Variants in ARFGEF2 observed in about 807,000 individuals in gnomAD.
ARFGEF2 encodes the protein ARF guanine nucleotide exchange factor 2.
A neutral mutation model predicts 219.9 loss-of-function variants in ARFGEF2; 74 were observed. The observed-to-expected ratio is 0.34, with a 90% CI of 0.28 to 0.41. The LOEUF is 0.41. ARFGEF2 is among the 10% of genes least tolerant of loss of function. ARFGEF2 has a pLI of 1.00. For missense variants in ARFGEF2, 1,743 were observed against 2,218.3 expected (o/e 0.79, Z 4.30); for synonymous variants, 733 against 799.2 (o/e 0.92, Z 1.40).
intron 3 of ARFGEF2, among the ~76,000 whole-genome samples, chr20:48,942,629 C>T (rs2091000701): frequency 6.6e-6 from 1 of 151,896 alleles, no homozygotes; most frequent in African/African-American, 2.4e-5. Flanking sequence ...AGATTACATG[C>T]ACCCGCCACC....
chr20:48,964,184 G>C lies in ARFGEF2; in HGVS notation c.907+286G>C, dbSNP rs112758720. On this transcript the variant is annotated intron_variant, in intron 7 of 38. Coordinates refer to ENST00000371917, the MANE Select transcript of ARFGEF2 (RefSeq NM_006420.3). ...AGCTCTTTGGGAGGCCAAGGCGGGC[G>C]GTTCACGAGGTCAGGAGTTCAAGAC... 1.9e-3 allele frequency among the ~76,000 whole-genome samples: 282 copies of C among 152,288 alleles called. 3 individuals are homozygous for C. Among genetic ancestry groups the C allele is most frequent in the Middle Eastern group, 6.8e-3 (2 of 294 alleles).
intron 25 of ARFGEF2, among the ~76,000 whole-genome samples, chr20:49,000,302 G>C (rs1213675963): frequency 6.6e-6 from 1 of 152,212 alleles, no homozygotes; most frequent in Non-Finnish European, 1.5e-5. Flanking sequence ...AGTGCTTCAT[G>C]CTGGGCAGTG....
chr20:48,972,582 G>A (rs1030752735), intron 11 of ARFGEF2, among the ~76,000 whole-genome samples, 157 bp downstream of exon 11: 3 of 152,208 alleles, frequency 2.0e-5, no homozygotes, highest in Middle Eastern at 3.4e-3. Context: ...CTTTTTTAGA[G>A]GATGACCAAC....
At chr20:49,031,911 C>G in intron 37 of ARFGEF2, 138 bp from the exon 38 acceptor site, 1 of 750,734 alleles carries the variant, frequency 1.3e-6, no homozygotes, top group Non-Finnish European at 2.3e-6. Context: ...GAGCAAGACC[C>G]TGTCTCAAAA....
Position 48,926,606 on chromosome 20 carries a change from G to A in ARFGEF2, c.121+4596G>A, listed in dbSNP as rs758080424. ...CCCAAGTAGCTAGGACTACAGGGGC[G>A]TACCACCCACCTGGCTAATTTTTCT... On this transcript the variant is annotated intron_variant, in intron 1 of 38. Coordinates refer to ENST00000371917, the MANE Select transcript of ARFGEF2 (RefSeq NM_006420.3). Among the ~76,000 whole-genome samples, 11 of 152,170 alleles carry A rather than the reference G, an allele frequency of 7.2e-5. No individual in the cohort carries two copies. In the East Asian group the frequency reaches 1.7e-3, roughly 24 times the overall value.
At chr20:49,019,050 A>G in intron 34 of ARFGEF2, 52 bp downstream of exon 34, 1 of 1,443,222 alleles carries the variant, frequency 6.9e-7, no homozygotes, top group Non-Finnish European at 9.6e-7. Context: ...TATGTGATTC[A>G]TATATTCAGA....
Position 48,994,447 on chromosome 20 carries a change from T to G in ARFGEF2, c.2974-4T>G. On this transcript the variant is annotated splice_region_variant and splice_polypyrimidine_tract_variant and intron_variant, in intron 21 of 38. Coordinates refer to ENST00000371917, the MANE Select transcript of ARFGEF2 (RefSeq NM_006420.3). ...CTCATTTCTTCATGCCTTCTTTCTC[T>G]TAGATCTTGAAATGCATCAGCCAGC... 6.2e-7 allele frequency: 1 copy of G among 1,614,056 alleles called. No individual in the cohort carries two copies. Among genetic ancestry groups the G allele is most frequent in the Non-Finnish European group, 8.5e-7 (1 of 1,180,034 alleles).
At chr20:48,932,115 C>G (rs537238418) in intron 1 of ARFGEF2, among the ~76,000 whole-genome samples, 1 of 152,140 alleles carries the variant, frequency 6.6e-6, no homozygotes, top group African/African-American at 2.4e-5. Flanking sequence ...GTGTGAAGTT[C>G]CTGAGAAGGC....
chr20:49,012,219 C>A, intron 28 of ARFGEF2, 135 bp downstream of exon 28: 1 of 1,161,122 alleles, frequency 8.6e-7, no homozygotes, highest in Non-Finnish European at 1.2e-6. Flanking sequence ...GTGTTTATTT[C>A]AAAATGCTGC....
intron 1 of ARFGEF2, among the ~76,000 whole-genome samples, chr20:48,933,754 G>A (rs1384971460): frequency 2.6e-5 from 4 of 151,970 alleles, no homozygotes; most frequent in African/African-American, 9.7e-5. Context: ...CACTCTTGGT[G>A]CCTAGTTATG....
At chr20:49,006,787 A>G (rs747589568) in intron 26 of ARFGEF2, among the ~76,000 whole-genome samples, 3 of 152,080 alleles carry the variant, frequency 2.0e-5, no homozygotes, top group Non-Finnish European at 4.4e-5. Context: ...AGTCCCTCCC[A>G]GTGGTGGCAG....
At position 48,952,728 on chromosome 20, in the gene ARFGEF2, C is replaced by T. The variant is rs1427662433; in HGVS notation, c.447C>T (p.Ser149=). The T allele has an allele frequency of 1.2e-6, 2 of 1,614,068 alleles. No individual in the cohort carries two copies. Among genetic ancestry groups the T allele is most frequent in the African/African-American group, 2.7e-5 (2 of 74,922 alleles). ...IIKALLTAVT[S]PHIEIHEGTI... is the part of the protein sequence containing the mutation. ...AGGCTCTTCTGACTGCAGTGACTTC[C>T]CCACACATTGAAATTCATGAGGGTA... Residue 149 remains serine (S), a synonymous_variant, in exon 5 of 39, where the codon TCC becomes TCT. Transcript: ENST00000371917.
chr20:48,985,702 T>C (rs2091323029), intron 16 of ARFGEF2, 89 bp downstream of exon 16: 11 of 1,372,908 alleles, frequency 8.0e-6, no homozygotes, highest in Non-Finnish European at 1.0e-5. Flanking sequence ...AATCTTTGTA[T>C]ATCTGTGCCA....
At chr20:48,949,832 C>T (rs2091053820) in intron 3 of ARFGEF2, among the ~76,000 whole-genome samples, 1 of 152,098 alleles carries the variant, frequency 6.6e-6, no homozygotes, top group Admixed American at 6.6e-5. Flanking sequence ...AAGAACAGAA[C>T]AGCAGTTTTA....
chr20:48,921,784 G>T lies in ARFGEF2; in HGVS notation c.-106G>T, dbSNP rs1029398618. 1.1e-5 allele frequency: 12 copies of T among 1,142,512 alleles called. No homozygotes were observed. Among genetic ancestry groups the T allele is most frequent in the Non-Finnish European group, 1.3e-5 (12 of 920,924 alleles). The allele number at this position is 1,142,512 out of a possible 1,614,324, so 70.8% of individuals were successfully genotyped here. A position where few individuals can be genotyped will look rare whatever the true frequency, so the allele number is the denominator to read the frequency against. On this transcript the variant is annotated 5_prime_UTR_variant, in exon 1 of 39. Coordinates refer to ENST00000371917, the MANE Select transcript of ARFGEF2 (RefSeq NM_006420.3). Reference sequence around the variant, plus strand: ...TGTCGCTTCCTGACGGGGCGGCGCGGACGGACGCGGCCGGTGCCGGCCGGG... The same window carrying T: ...TGTCGCTTCCTGACGGGGCGGCGCGTACGGACGCGGCCGGTGCCGGCCGGG...
At chr20:48,924,916 G>C (rs2090867275) in intron 1 of ARFGEF2, among the ~76,000 whole-genome samples, 1 of 152,146 alleles carries the variant, frequency 6.6e-6, no homozygotes, top group East Asian at 1.9e-4. Flanking sequence ...TGTAGTAGGT[G>C]CTCAGTAAAT....
chr20:49,025,982 G>GAAAA (rs3092702), intron 36 of ARFGEF2, among the ~76,000 whole-genome samples: 6 of 127,808 alleles, frequency 4.7e-5, no homozygotes, highest in South Asian at 2.4e-4. Context: ...ACTCCATCTG[G>GAAAA]AAAAAAAAAA....
chr20:49,009,010 A>AT (rs750872537), intron 26 of ARFGEF2, among the ~76,000 whole-genome samples: 6 of 151,684 alleles, frequency 4.0e-5, no homozygotes, highest in East Asian at 1.9e-4. Flanking sequence ...GCACAGGTAA[A>AT]TTTTTTTTTA....
intron 26 of ARFGEF2, among the ~76,000 whole-genome samples, chr20:49,008,332 G>T (rs1191828700): frequency 2.0e-5 from 3 of 152,140 alleles, no homozygotes; most frequent in Non-Finnish European, 4.4e-5. Context: ...GGAGGTCGAG[G>T]CAGGCGGATC....
Sources: gnomAD v4.1 joint callset for allele counts (sites outside exome capture counted in the v4.1 genomes callset) on GRCh38, gnomAD v4.1.1 for gene constraint, MANE v1.5 for transcripts, NCBI Gene and HGNC (gene_info 2026-07-23, HGNC 2026-07-21) for gene names.